The following MANEA variants were observed in gnomAD, a reference collection of about 807,000 sequenced individuals.
MANEA encodes the protein mannosidase endo-alpha.
A neutral mutation model predicts 36.8 loss-of-function variants in MANEA; 25 were observed. The observed-to-expected ratio is 0.68, with a 90% confidence interval of 0.50 to 0.95. The LOEUF is 0.95. Ranked by LOEUF, MANEA falls within the 40% of genes least tolerant of loss-of-function variation. The pLI, the probability that MANEA is intolerant of heterozygous loss-of-function variation, is 0.00. For missense variants in MANEA, 565 were observed against 558.8 expected, an observed-to-expected ratio of 1.01 and a Z score of -0.11; for synonymous variants, 198 against 188.5, an observed-to-expected ratio of 1.05 and a Z score of -0.41.
intron 2 of MANEA, among the ~76,000 whole-genome samples, chr6:95,589,694 G>C (rs1644691812): frequency 6.6e-6 from 1 of 152,052 alleles, no homozygotes; most frequent in African/African-American, 2.4e-5. Flanking sequence ...AAAAGTAACA[G>C]ATGAATGCCT....
rs531420036 is a variant in MANEA, at chr6:95,606,897, G to A, written c.*492G>A. ...TTTATTGTCTTAGTATTTAGACTCT[G>A]GATAACTCTACAATAATGAGGAAAT... On this transcript the variant is annotated 3_prime_UTR_variant, in exon 5 of 5. Coordinates refer to ENST00000358812, the MANE Select transcript of MANEA (RefSeq NM_024641.4). 13 of 152,160 alleles carry A rather than the reference G, an allele frequency of 8.5e-5. No homozygotes were observed. Among genetic ancestry groups the A allele is most frequent in the African/African-American group, 3.1e-4 (13 of 41,538 alleles). The allele number at this position is 152,160 out of a possible 1,614,324, so 9.4% of individuals were successfully genotyped here.
In MANEA at chr6:95,606,410, T is replaced by C. The variant is rs748564585; in HGVS notation, c.*5T>C. The C allele has an allele frequency of 1.3e-6, 2 of 1,575,326 alleles. No homozygotes were observed. Among genetic ancestry groups the C allele is most frequent in the Non-Finnish European group, 1.7e-6 (2 of 1,168,638 alleles). ...CGCCAGCTGCCTGTTTCTTAATGCA[T>C]TGATTAAAGTTTAATAGTTATCAAA... On this transcript the variant is annotated 3_prime_UTR_variant, in exon 5 of 5. Coordinates refer to ENST00000358812, the MANE Select transcript of MANEA (RefSeq NM_024641.4).
At chr6:95,589,884 C>T (rs1230436934) in intron 2 of MANEA, 2 of 152,016 alleles carry the variant, frequency 1.3e-5, no homozygotes, top group Non-Finnish European at 2.9e-5. Flanking sequence ...TGGCATTATC[C>T]TTCATTATTT....
intron 1 of MANEA, among the ~76,000 whole-genome samples, chr6:95,582,990 A>C (rs924827697): frequency 9.9e-5 from 15 of 152,180 alleles, no homozygotes; most frequent in Admixed American, 2.0e-4. Context: ...TTATTTATCC[A>C]AATTAACTGA....
In MANEA at chr6:95,608,175, G is replaced by C. The variant is rs941279164; in HGVS notation, c.*1770G>C. On this transcript the variant is annotated 3_prime_UTR_variant, in exon 5 of 5. Coordinates refer to ENST00000358812, the MANE Select transcript of MANEA (RefSeq NM_024641.4). ...AATCACTATATAGATCCAACCTGTG[G>C]ATTTTCTTCTTATGTCCATTTAACT... 2.6e-5 allele frequency: 4 copies of C among 151,630 alleles called. No homozygotes were observed. Among genetic ancestry groups the C allele is most frequent in the Non-Finnish European group, 5.9e-5 (4 of 67,730 alleles). 9.4% of individuals were successfully genotyped at this position (151,630 alleles called of 1,614,324 possible).
At chr6:95,593,502 G>A (rs528495152) in intron 2 of MANEA, among the ~76,000 whole-genome samples, 68 of 152,244 alleles carry the variant, frequency 4.5e-4, no homozygotes, top group African/African-American at 1.5e-3. Flanking sequence ...ATATGGCAGC[G>A]CTATCCAGTA....
intron 1 of MANEA, among the ~76,000 whole-genome samples, chr6:95,584,707 C>G (rs927252828): frequency 5.3e-5 from 8 of 152,106 alleles, no homozygotes; most frequent in Non-Finnish European, 1.0e-4. Context: ...GGACCCCCTC[C>G]CCTTTTGAAA....
chr6:95,591,637 T>C (rs1409205147), intron 2 of MANEA, among the ~76,000 whole-genome samples: 2 of 152,108 alleles, frequency 1.3e-5, no homozygotes, highest in Non-Finnish European at 1.5e-5. Context: ...CTTCTTGGTG[T>C]TCTCTGAATT....
Position 95,609,422 on chromosome 6 carries a change from C to T in MANEA, c.*3017C>T, listed in dbSNP as rs897782824. 5.9e-5 allele frequency: 9 copies of T among 151,552 alleles called. No individual in the cohort carries two copies. Among genetic ancestry groups the T allele is most frequent in the African/African-American group, 1.5e-4 (6 of 41,372 alleles). 9.4% of individuals were successfully genotyped at this position (151,552 alleles called of 1,614,324 possible). ...TGTTATATGGAATGGTTAATTTTTA[C>T]CTAATAAAAACATAGATGAAATACA... On this transcript the variant is annotated 3_prime_UTR_variant, in exon 5 of 5. Coordinates refer to ENST00000358812, the MANE Select transcript of MANEA (RefSeq NM_024641.4).
chr6:95,583,138 T>A (rs1235986875), intron 1 of MANEA, among the ~76,000 whole-genome samples: 1 of 152,188 alleles, frequency 6.6e-6, no homozygotes, highest in African/African-American at 2.4e-5. Flanking sequence ...AAACAAAATC[T>A]CCAGACCTGT....
At chr6:95,584,324 T>G (rs905524308) in intron 1 of MANEA, among the ~76,000 whole-genome samples, 1 of 152,118 alleles carries the variant, frequency 6.6e-6, no homozygotes, top group Non-Finnish European at 1.5e-5. Flanking sequence ...GTAGGAGAGG[T>G]ATCACTAAAT....
At chr6:95,604,994 G>C (rs913524250) in intron 4 of MANEA, 91 bp downstream of exon 4, 3 of 459,768 alleles carry the variant, frequency 6.5e-6, no homozygotes, top group Non-Finnish European at 1.1e-5. Flanking sequence ...TTTGAGATTT[G>C]AATGATTTAT....
In MANEA at chr6:95,586,624, A is replaced by C. The variant is rs141496511; in HGVS notation, c.185A>C (p.Gln62Pro). The change falls in exon 2 of 5, where the codon CAA becomes CCA. Residue 62 changes from glutamine to proline, a missense_variant. Transcript: ENST00000358812. ...CATTTGGGGAAAAATTTTGATTTCC[A>C]AAAGAGTGACAGAATCAACAGTGAA... Reference protein sequence around the residue: ...TIHLGKNFDFQKSDRINSETN... With the variant: ...TIHLGKNFDFPKSDRINSETN... The C allele has an allele frequency of 1.3e-5, 21 of 1,614,100 alleles. No homozygotes were observed. The highest frequency in any genetic ancestry group is 1.8e-5 in the Non-Finnish European group (21 of 1,180,002).
At position 95,608,994 on chromosome 6, in the gene MANEA, ACT is replaced by A. The variant is rs1769769638; in HGVS notation, c.*2592_*2593del. ...GGTGAGCCAACTGCATTAGGAAATA[ACT>A]CTAATAATTCTGTTAATTCTTAGAG... On this transcript the variant is annotated 3_prime_UTR_variant, in exon 5 of 5. Transcript: ENST00000358812. 2 of 151,114 alleles carry A rather than the reference ACT, an allele frequency of 1.3e-5. No individual in the cohort carries two copies. The highest frequency in any genetic ancestry group is 4.9e-5 in the African/African-American group (2 of 41,066). The allele number at this position is 151,114 out of a possible 1,614,324, so 9.4% of individuals were successfully genotyped here.
intron 2 of MANEA, among the ~76,000 whole-genome samples, chr6:95,587,830 T>C (rs1769316080): frequency 6.6e-6 from 1 of 152,080 alleles, no homozygotes; most frequent in Non-Finnish European, 1.5e-5. Context: ...ATTTTTCTGT[T>C]TATTTTCCAT....
rs1003193494 is a variant in MANEA, at chr6:95,608,268, T to C, written c.*1863T>C. On this transcript the variant is annotated 3_prime_UTR_variant, in exon 5 of 5. Transcript: ENST00000358812. ...ATAATCTTTTATAATATACCATATT[T>C]CATTAAAGTTTTGTTAGAGAAGTAT... 7.9e-5 allele frequency: 12 copies of C among 151,946 alleles called. No homozygotes were observed. The highest frequency in any genetic ancestry group is 2.7e-4 in the African/African-American group (11 of 41,438). The allele number at this position is 151,946 out of a possible 1,614,324, so 9.4% of individuals were successfully genotyped here.
In MANEA at chr6:95,607,597, T is replaced by A. The variant is rs2127946758; in HGVS notation, c.*1192T>A. On this transcript the variant is annotated 3_prime_UTR_variant, in exon 5 of 5. Transcript: ENST00000358812. Reference sequence around the variant, plus strand: ...ACTTTCAATTTTTTATATAGTAATATCCCCATTTTGTAAATGTTAGACTTT... The same window carrying A: ...ACTTTCAATTTTTTATATAGTAATAACCCCATTTTGTAAATGTTAGACTTT... The A allele has an allele frequency of 6.6e-6, 1 of 151,902 alleles. No individual in the cohort carries two copies. Among genetic ancestry groups the A allele is most frequent in the East Asian group, 1.9e-4 (1 of 5,174 alleles). 9.4% of individuals were successfully genotyped at this position (151,902 alleles called of 1,614,324 possible). A position where few individuals can be genotyped will look rare whatever the true frequency, so the allele number is the denominator to read the frequency against.
intron 3 of MANEA, among the ~76,000 whole-genome samples, chr6:95,601,471 T>C (rs1168530627): frequency 6.6e-6 from 1 of 152,190 alleles, no homozygotes; most frequent in Non-Finnish European, 1.5e-5. Context: ...TATGCTCTTA[T>C]TCTCTTTTAT....
At chr6:95,601,981 C>T (rs1357426273) in intron 3 of MANEA, among the ~76,000 whole-genome samples, 5 of 151,760 alleles carry the variant, frequency 3.3e-5, no homozygotes, top group Admixed American at 6.6e-5. Flanking sequence ...TAAGTATGTC[C>T]GTGATTCTTT....
Sources: allele counts gnomAD v4.1 joint callset (sites outside exome capture counted in the v4.1 genomes callset), GRCh38; gene constraint gnomAD v4.1.1; transcripts MANE v1.5; gene names NCBI Gene and HGNC (gene_info 2026-07-23, HGNC 2026-07-21).